The following TTC22 variants were observed in gnomAD, a reference collection of about 807,000 sequenced individuals.
TTC22 encodes tetratricopeptide repeat protein 22.
A neutral mutation model predicts 48.2 loss-of-function variants in TTC22; 42 were observed. The ratio of observed to expected loss-of-function variants is 0.87; its 90% CI spans 0.68 to 1.13. The LOEUF (loss-of-function observed/expected upper bound fraction) is 1.13. TTC22 is among the 50% of genes most tolerant of loss of function. The pLI, the probability that TTC22 is intolerant of heterozygous loss-of-function variation, is 0.00. For synonymous variants in TTC22, 345 were observed against 365.5 expected (o/e 0.94, Z 0.64); for missense variants, 784 against 807.0 (o/e 0.97, Z 0.34).
chr1:54,794,566 T>G (rs911178360), intron 1 of TTC22, among the ~76,000 whole-genome samples: 4 of 152,202 alleles, frequency 2.6e-5, no homozygotes, highest in Non-Finnish European at 5.9e-5. Flanking sequence ...GGCTGTCCTC[T>G]AGATTCAGAG....
Position 54,788,086 on chromosome 1 carries a change from C to A in TTC22, c.579G>T (p.Glu193Asp). The part of the protein sequence containing the change: ...ALGYGQQIPM[E>D]EKRGWYFTMA... ...TGGTGAAATACCAGCCCCTTTTCTC[C>A]TCCATCGGGATCTAGGGAAACAGAG... Residue 193 changes from glutamate to aspartate, a missense_variant, in exon 2 of 7, where the codon GAG becomes GAT. Physicochemically the swap from Glu to Asp is conservative, Grantham distance 45. Transcript: ENST00000371276. The A allele has an allele frequency of 6.2e-7, 1 of 1,614,092 alleles. No homozygotes were observed. The highest frequency in any genetic ancestry group is 8.5e-7 in the Non-Finnish European group (1 of 1,179,966).
At position 54,781,064 on chromosome 1, in the gene TTC22, G is replaced by C; in HGVS notation, c.*179C>G. On this transcript the variant is annotated 3_prime_UTR_variant, in exon 7 of 7. Coordinates refer to ENST00000371276, the MANE Select transcript of TTC22 (RefSeq NM_001114108.2). ...CTCGGGAATCAGGCCTTCCAGTCTG[G>C]GTGGGCGTTTCAAACCGCGCGGGTG... 1 of 433,576 alleles carries C rather than the reference G, an allele frequency of 2.3e-6. No individual in the cohort carries two copies. The highest frequency in any genetic ancestry group is 4.0e-6 in the Non-Finnish European group (1 of 248,972). The allele number at this position is 433,576 out of a possible 1,614,324, so 26.9% of individuals were successfully genotyped here. A position where few individuals can be genotyped will look rare whatever the true frequency, so the allele number is the denominator to read the frequency against.
chr1:54,781,886 A>C, intron 6 of TTC22, 107 bp from the exon 7 acceptor site: 2 of 994,338 alleles, frequency 2.0e-6, no homozygotes, highest in South Asian at 2.0e-5. Flanking sequence ...ACTCATTCCC[A>C]CCCTCTCTCC....
chr1:54,795,065 C>T (rs1363991267), intron 1 of TTC22, among the ~76,000 whole-genome samples: 2 of 152,220 alleles, frequency 1.3e-5, no homozygotes, highest in East Asian at 3.9e-4. Flanking sequence ...GTTGCTCTTC[C>T]CCACACCCAG....
chr1:54,784,709 C>T (rs946417728), intron 5 of TTC22: 5 of 1,219,106 alleles, frequency 4.1e-6, no homozygotes, highest in Non-Finnish European at 5.3e-6. Context: ...GAGACCAAGA[C>T]TGGGAGTAGA....
At chr1:54,790,164 C>T (rs188957559) in intron 1 of TTC22, among the ~76,000 whole-genome samples, 10 of 152,302 alleles carry the variant, frequency 6.6e-5, no homozygotes, top group Admixed American at 1.3e-4. Flanking sequence ...CTCTGAAGCC[C>T]AGCAGCAGTC....
In TTC22 at chr1:54,782,417, G is replaced by C. The variant is rs746943189; in HGVS notation, c.1081C>G (p.Pro361Ala). The change falls in exon 6 of 7, where the codon CCT (proline) becomes GCT (alanine). Residue 361 changes from proline to alanine, a missense_variant. Physicochemically the swap from Pro to Ala is conservative, Grantham distance 27. Coordinates refer to ENST00000371276, the MANE Select transcript of TTC22 (RefSeq NM_001114108.2). ...KRAKMGLGGMPDRNHLACAKA... is the reference protein window; with the variant it reads ...KRAKMGLGGMADRNHLACAKA... ...GCACAGGCCAGGTGGTTCCTGTCAG[G>C]CATGCCCCCGAGACCCATCTTGGCC... 1.9e-6 allele frequency: 3 copies of C among 1,551,462 alleles called. No individual in the cohort carries two copies. Among genetic ancestry groups the C allele is most frequent in the South Asian group, 2.4e-5 (2 of 84,044 alleles).
chr1:54,781,714 G>C lies in TTC22; in HGVS notation c.1239C>G (p.Asn413Lys). The change falls in exon 7 of 7, where the codon AAC becomes AAG. Residue 413 changes from asparagine (N) to lysine (K), a missense_variant. By Grantham distance (94) the Asn-to-Lys change is moderately conservative (BLOSUM62 0). Coordinates refer to ENST00000371276, the MANE Select transcript of TTC22 (RefSeq NM_001114108.2). ...CCTTGGCCAGGAACACCAGCGCCTG[G>C]TTCAGCGCCGCCTCGTCCACCGCCA... ...ELLAVDEAAL[N>K]QALVFLAKAG... 1 of 1,523,288 alleles carries C rather than the reference G, an allele frequency of 6.6e-7. No individual in the cohort carries two copies. The highest frequency in any genetic ancestry group is 1.2e-5 in the South Asian group (1 of 82,360). The allele number at this position is 1,523,288 out of a possible 1,614,324, so 94.4% of individuals were successfully genotyped here.
Position 54,781,337 on chromosome 1 carries a change from C to A in TTC22, c.1616G>T (p.Gly539Val). 2.1e-6 allele frequency: 3 copies of A among 1,415,134 alleles called. No individual in the cohort carries two copies. The highest frequency in any genetic ancestry group is 1.8e-6 in the Non-Finnish European group (2 of 1,096,336). The allele number at this position is 1,415,134 out of a possible 1,614,324, so 87.7% of individuals were successfully genotyped here. ...LGLARALVAQ[G>V]RPALVRLLFE... ...GAGCAGCCGCACCAGCGCCGGCCGT[C>A]CCTGGGCCACCAGGGCCCGGGCCAG... The change falls in exon 7 of 7, where the codon GGA (glycine) becomes GTA (valine). Residue 539 changes from glycine (G) to valine (V), a missense_variant. Physicochemically the swap from Gly to Val is moderately radical, Grantham distance 109. Transcript: ENST00000371276.
intron 1 of TTC22, among the ~76,000 whole-genome samples, chr1:54,790,904 C>T (rs1224887386): frequency 6.6e-6 from 1 of 152,040 alleles, no homozygotes; most frequent in Non-Finnish European, 1.5e-5. Flanking sequence ...GCTCTGTCAC[C>T]TAGGCTGGAG....
Position 54,800,840 on chromosome 1 carries a change from G to T in TTC22, c.324C>A (p.His108Gln), listed in dbSNP as rs1403048649. The change falls in exon 1 of 7, where the codon CAC (histidine) becomes CAA (glutamine). Residue 108 changes from histidine to glutamine, a missense_variant. Transcript: ENST00000371276. ...GNLNAWANLAHVYGRLGQEEE... is the reference protein window; with the variant it reads ...GNLNAWANLAQVYGRLGQEEE... The stretch of plus-strand genomic sequence containing the variant: ...CTTCCTGGCCCAGCCGCCCGTACAC[G>T]TGTGCCAGATTGGCCCAGGCATTGA... 1.2e-6 allele frequency: 2 copies of T among 1,607,954 alleles called. No homozygotes were observed. Among genetic ancestry groups the T allele is most frequent in the Non-Finnish European group, 1.7e-6 (2 of 1,178,176 alleles).
intron 1 of TTC22, among the ~76,000 whole-genome samples, chr1:54,791,700 C>T (rs1462237496): frequency 6.6e-6 from 1 of 152,202 alleles, no homozygotes; most frequent in Admixed American, 6.5e-5. Context: ...GGGTCCCAGG[C>T]ACCTTTCTTG....
intron 1 of TTC22, among the ~76,000 whole-genome samples, chr1:54,798,993 C>T (rs2101475603): frequency 6.6e-6 from 1 of 152,348 alleles, no homozygotes; most frequent in African/African-American, 2.4e-5. Context: ...GTCATCCTGC[C>T]TGCAACTATT....
Position 54,800,705 on chromosome 1 carries a change from C to A in TTC22, c.459G>T (p.Gln153His). 6.5e-7 allele frequency: 1 copy of A among 1,547,442 alleles called. No individual in the cohort carries two copies. Among genetic ancestry groups the A allele is most frequent in the East Asian group, 2.4e-5 (1 of 41,422 alleles). ...QLRAARCLAE[Q>H]GYAHGFDVGC... ...CGACGTCGAAGCCATGCGCGTAGCC[C>A]TGCTCGGCCAGGCAGCGAGCGGCGC... The change falls in exon 1 of 7, where the codon CAG becomes CAT. Residue 153 changes from glutamine to histidine, a missense_variant. By Grantham distance (24) the Gln-to-His change is conservative (BLOSUM62 0). Transcript: ENST00000371276.
chr1:54,792,441 CTT>C (rs539509172), intron 1 of TTC22, among the ~76,000 whole-genome samples: 4 of 145,160 alleles, frequency 2.8e-5, no homozygotes, highest in Non-Finnish European at 3.0e-5. Flanking sequence ...GTCTCTCTCT[CTT>C]TTTTTTTTTT....
chr1:54,781,509 G>C lies in TTC22; in HGVS notation c.1444C>G (p.Gln482Glu), dbSNP rs906998805. The change falls in exon 7 of 7, where the codon CAG (glutamine) becomes GAG (glutamate). Residue 482 changes from glutamine to glutamate, a missense_variant. Coordinates refer to ENST00000371276, the MANE Select transcript of TTC22 (RefSeq NM_001114108.2). Reference sequence around the variant, plus strand: ...TCGCTCAGCTGTGCCTGGCTCCACTGCGCCAGCAGCGCCTCGAGCAGGCAG... The same window carrying C: ...TCGCTCAGCTGTGCCTGGCTCCACTCCGCCAGCAGCGCCTCGAGCAGGCAG... ...FGCLLEALLAQWSQAQLSDGE... is the reference protein window; with the variant it reads ...FGCLLEALLAEWSQAQLSDGE... 9 of 1,506,646 alleles carry C rather than the reference G, an allele frequency of 6.0e-6. No homozygotes were observed. In the African/African-American group the frequency reaches 7.2e-5, roughly 12 times the overall value. 93.3% of individuals were successfully genotyped at this position (1,506,646 alleles called of 1,614,324 possible).
Position 54,788,358 on chromosome 1 carries a change from T to G in TTC22, c.568-261A>C, listed in dbSNP as rs551585505. Among the ~76,000 whole-genome samples, 22 of 151,800 alleles carry G rather than the reference T, an allele frequency of 1.4e-4. No homozygotes were observed. In the East Asian group the frequency reaches 4.1e-3, roughly 28 times the overall value. ...TCCTAGAGCAGGTATGGCGAGCATT[T>G]CCTCCCCACCCCGCCACAGGCCCCC... On this transcript the variant is annotated intron_variant, in intron 1 of 6. Coordinates refer to ENST00000371276, the MANE Select transcript of TTC22 (RefSeq NM_001114108.2).
Position 54,800,971 on chromosome 1 carries a change from G to T in TTC22, c.193C>A (p.Arg65Ser), listed in dbSNP as rs759257657. ...CCCAGGAGGTGACGCACAGCGGGGC[G>T]CTGCGGGGCGGCCGCCAGCTGGAGC... ...QELQLAAAPQ[R>S]PAVRHLLGAF... Residue 65 changes from arginine to serine, a missense_variant, in exon 1 of 7, where the codon CGC becomes AGC. Transcript: ENST00000371276. 7 of 1,603,342 alleles carry T rather than the reference G, an allele frequency of 4.4e-6. No homozygotes were observed. In the Admixed American group the frequency reaches 1.0e-4, roughly 23 times the overall value.
chr1:54,796,409 T>C (rs766295913), intron 1 of TTC22, among the ~76,000 whole-genome samples: 2 of 152,248 alleles, frequency 1.3e-5, no homozygotes, highest in Non-Finnish European at 2.9e-5. Context: ...TGGGCCTACC[T>C]GGGCAAGTCC....
Sources: allele counts gnomAD v4.1 joint callset (sites outside exome capture counted in the v4.1 genomes callset), GRCh38; gene constraint gnomAD v4.1.1; transcripts MANE v1.5; gene names NCBI Gene and HGNC (gene_info 2026-07-23, HGNC 2026-07-21).